Variants in POLR3G observed in about 807,000 individuals in gnomAD.
The protein encoded by POLR3G is DNA-directed RNA polymerase III subunit RPC7.
Under a neutral mutation model 30.1 loss-of-function variants are expected in POLR3G, and 28 were observed. The ratio of observed to expected loss-of-function variants is 0.93; its 90% CI spans 0.69 to 1.27. POLR3G has a LOEUF of 1.27. POLR3G is among the 50% of genes most tolerant of loss of function. The probability of loss-of-function intolerance (pLI) is 0.00; values close to 1 mark genes in which losing one functional copy is unlikely to be tolerated. For synonymous variants in POLR3G, 79 were observed against 82.5 expected, an observed-to-expected ratio of 0.96 and a Z score of 0.23; for missense variants, 254 against 264.6, an observed-to-expected ratio of 0.96 and a Z score of 0.28.
intron 3 of POLR3G, among the ~76,000 whole-genome samples, chr5:90,488,891 G>A (rs1751583006): frequency 1.3e-5 from 2 of 152,132 alleles, no homozygotes; most frequent in South Asian, 4.1e-4. Context: ...TGGTTTTATA[G>A]GAAAGGAAAC....
At chr5:90,498,108 ACT>A (rs937954742) in intron 5 of POLR3G, among the ~76,000 whole-genome samples, 24 of 151,576 alleles carry the variant, frequency 1.6e-4, no homozygotes, top group African/African-American at 5.8e-4. Flanking sequence ...AGACCCTGAC[ACT>A]CTGTCTAGGA....
chr5:90,493,594 T>C (rs993988743), intron 3 of POLR3G, among the ~76,000 whole-genome samples: 2 of 149,856 alleles, frequency 1.3e-5, no homozygotes, highest in African/African-American at 4.9e-5. Flanking sequence ...CATAATCCAC[T>C]ATATAAAATT....
intron 1 of POLR3G, among the ~76,000 whole-genome samples, chr5:90,480,081 G>T (rs370410467): frequency 1.3e-5 from 2 of 152,332 alleles, no homozygotes; most frequent in East Asian, 1.9e-4. Context: ...TCCTAGCACA[G>T]TGCCTGGAAT....
intron 5 of POLR3G, among the ~76,000 whole-genome samples, chr5:90,498,728 TAGA>T (rs1406267322): frequency 1.3e-5 from 2 of 152,236 alleles, no homozygotes; most frequent in East Asian, 3.8e-4. Flanking sequence ...TTATGTTGTA[TAGA>T]AGAATGCCAA....
Position 90,512,356 on chromosome 5 carries a change from A to G in POLR3G, c.*217A>G. 1 of 482,928 alleles carries G rather than the reference A, an allele frequency of 2.1e-6. No homozygotes were observed. Among genetic ancestry groups the G allele is most frequent in the Non-Finnish European group, 3.8e-6 (1 of 262,008 alleles). The allele number at this position is 482,928 out of a possible 1,614,324, so 29.9% of individuals were successfully genotyped here. On this transcript the variant is annotated 3_prime_UTR_variant, in exon 8 of 8. Coordinates refer to ENST00000651687, the MANE Select transcript of POLR3G (RefSeq NM_006467.3). ...GACATTCCTTCTAAACACCTCTGCCATCTCTCTTATGTACTCTCATGGGTT... is the reference window on the plus strand; with the variant it reads ...GACATTCCTTCTAAACACCTCTGCCGTCTCTCTTATGTACTCTCATGGGTT...
At chr5:90,481,809 G>C (rs1051021832) in intron 1 of POLR3G, among the ~76,000 whole-genome samples, 3 of 152,120 alleles carry the variant, frequency 2.0e-5, no homozygotes, top group African/African-American at 7.2e-5. Flanking sequence ...TAAGATGATG[G>C]TATAGAGTTA....
rs1025456217 is a variant in POLR3G, at chr5:90,500,360, GA to G, written c.356-1536del. The stretch of plus-strand genomic sequence containing the variant: ...ATATGCAGATACTTGGCCAAAGATG[GA>G]AAAAAAAAATAAGTTTACTTACCTG... On this transcript the variant is annotated intron_variant, in intron 5 of 7. Coordinates refer to ENST00000651687, the MANE Select transcript of POLR3G (RefSeq NM_006467.3). Among the ~76,000 whole-genome samples, 20 of 146,574 alleles carry G rather than the reference GA, an allele frequency of 1.4e-4. No homozygotes were observed. The South Asian group carries it at 2.1e-3, about 16-fold the overall frequency.
chr5:90,490,695 C>T (rs1035624895), intron 3 of POLR3G: 2 of 372,918 alleles, frequency 5.4e-6, no homozygotes, highest in Middle Eastern at 5.7e-4. Context: ...AGGCATGAGC[C>T]ACCGCACCCA....
At chr5:90,484,601 G>C (rs1751339607) in intron 1 of POLR3G, among the ~76,000 whole-genome samples, 1 of 152,204 alleles carries the variant, frequency 6.6e-6, no homozygotes, top group Non-Finnish European at 1.5e-5. Context: ...GCTGTGTGAA[G>C]TACTGTGGCT....
chr5:90,486,903 A>T (rs2151903614), intron 2 of POLR3G, among the ~76,000 whole-genome samples: 1 of 152,284 alleles, frequency 6.6e-6, no homozygotes, highest in East Asian at 1.9e-4. Flanking sequence ...CATGTTGAGT[A>T]CTCAATAAGT....
upstream of POLR3G, chr5:90,474,162 A>G (rs1354814700): frequency 6.2e-7 from 1 of 1,600,488 alleles, no homozygotes; most frequent in South Asian, 1.1e-5. Context: ...GCCTGTATCG[A>G]TCACCACGTC....
intron 7 of POLR3G, 68 bp from the exon 8 acceptor site, chr5:90,511,985 A>G (rs1752758919): frequency 1.9e-6 from 2 of 1,039,642 alleles, no homozygotes; most frequent in African/African-American, 3.2e-5. Context: ...AGAGACTTTT[A>G]GGCCTGGAAT....
intron 7 of POLR3G, among the ~76,000 whole-genome samples, chr5:90,511,543 CAAGAAA>C (rs986459104): frequency 4.0e-5 from 6 of 149,658 alleles, no homozygotes; most frequent in African/African-American, 1.5e-4. Context: ...TATTCAGCCA[CAAGAAA>C]AAGAAACTAA....
intron 2 of POLR3G, among the ~76,000 whole-genome samples, chr5:90,486,989 T>C (rs76268619): frequency 0.018 from 2,794 of 152,260 alleles, 82 homozygotes; most frequent in African/African-American, 0.063. Context: ...AAATCAGAAA[T>C]GTCTTTACTA....
At position 90,485,649 on chromosome 5, in the gene POLR3G, C is replaced by T; in HGVS notation, c.82C>T (p.Pro28Ser). 1.9e-6 allele frequency: 3 copies of T among 1,613,820 alleles called. No homozygotes were observed. The highest frequency in any genetic ancestry group is 2.5e-6 in the Non-Finnish European group (3 of 1,179,870). Residue 28 changes from proline to serine, a missense_variant, in exon 2 of 8, where the codon CCT becomes TCT. Coordinates refer to ENST00000651687, the MANE Select transcript of POLR3G (RefSeq NM_006467.3). The part of the protein sequence containing the change: ...AVGFSKGEKL[P>S]DVVLKPPPLF... ...TGGATTTAGCAAAGGTGAAAAGTTACCTGATGTAGTGTTGAAACCACCCCC... is the reference window on the plus strand; with the variant it reads ...TGGATTTAGCAAAGGTGAAAAGTTATCTGATGTAGTGTTGAAACCACCCCC...
In POLR3G at chr5:90,513,438, T is replaced by C. The variant is rs1752827891; in HGVS notation, c.*1299T>C. ...AACCAAAATTTACCATATGTATTCA[T>C]TCTCTTGCCTTAAAGATCACTTCTT... On this transcript the variant is annotated 3_prime_UTR_variant, in exon 8 of 8. Coordinates refer to ENST00000651687, the MANE Select transcript of POLR3G (RefSeq NM_006467.3). 1 of 152,760 alleles carries C rather than the reference T, an allele frequency of 6.5e-6. No homozygotes were observed. Among genetic ancestry groups the C allele is most frequent in the South Asian group, 2.1e-4 (1 of 4,832 alleles). 9.5% of individuals were successfully genotyped at this position (152,760 alleles called of 1,614,324 possible). A position where few individuals can be genotyped will look rare whatever the true frequency, so the allele number is the denominator to read the frequency against.
chr5:90,508,241 T>A (rs1399956537), intron 7 of POLR3G, among the ~76,000 whole-genome samples: 7 of 152,222 alleles, frequency 4.6e-5, no homozygotes, highest in African/African-American at 1.7e-4. Context: ...TGATAATACC[T>A]TCATACGGGA....
chr5:90,478,566 G>GTTTTTTTTTTTTTTT (rs1561245449), intron 1 of POLR3G, among the ~76,000 whole-genome samples: 38 of 31,000 alleles, frequency 1.2e-3, no homozygotes, highest in African/African-American at 2.0e-3. Flanking sequence ...AATCTGCGTG[G>GTTTTTTTTTTTTTTT]TTCTTTTTTT....
At chr5:90,487,825 A>G (rs1386072894) in intron 2 of POLR3G, among the ~76,000 whole-genome samples, 175 bp from the exon 3 acceptor site, 1 of 152,204 alleles carries the variant, frequency 6.6e-6, no homozygotes, top group Non-Finnish European at 1.5e-5. Context: ...CAAAGTAGGA[A>G]ATGGGTTAAC....
Sources: gnomAD v4.1 joint callset for allele counts (sites outside exome capture counted in the v4.1 genomes callset) on GRCh38, gnomAD v4.1.1 for gene constraint, MANE v1.5 for transcripts, NCBI Gene and HGNC (gene_info 2026-07-23, HGNC 2026-07-21) for gene names.